Variants in PRUNE2 observed in about 807,000 individuals in gnomAD.
The protein encoded by PRUNE2 is protein prune homolog 2.
In PRUNE2, 164 loss-of-function variants were observed where a neutral mutation model predicts 252.0. That is an observed-to-expected ratio of 0.65 (90% CI 0.57 to 0.74). PRUNE2 has a LOEUF of 0.74. Ranked by LOEUF, PRUNE2 falls within the 30% of genes least tolerant of loss-of-function variation. The pLI, the probability that PRUNE2 is intolerant of heterozygous loss-of-function variation, is 0.00. For synonymous variants in PRUNE2, 1,292 were observed against 1,350.2 expected, an observed-to-expected ratio of 0.96 and a Z score of 0.94; for missense variants, 3,495 against 3,711.0, an observed-to-expected ratio of 0.94 and a Z score of 1.51.
intron 6 of PRUNE2, among the ~76,000 whole-genome samples, chr9:76,821,433 C>A (rs976989447): frequency 6.6e-6 from 1 of 152,158 alleles, no homozygotes; most frequent in African/African-American, 2.4e-5. Context: ...CATCACAGGA[C>A]AATCTACAGA....
chr9:76,624,587 G>T, intron 16 of PRUNE2, 97 bp from the exon 17 acceptor site: 1 of 800,068 alleles, frequency 1.2e-6, no homozygotes. Context: ...AATGAAAGTG[G>T]TGCATATGTG....
intron 9 of PRUNE2, among the ~76,000 whole-genome samples, chr9:76,699,052 C>T (rs951406764): frequency 2.8e-5 from 4 of 140,736 alleles, no homozygotes; most frequent in Non-Finnish European, 4.6e-5. Context: ...CCACCCCCTC[C>T]CTCCATCCCC....
chr9:76,769,491 C>T (rs1417808829), intron 6 of PRUNE2, among the ~76,000 whole-genome samples: 3 of 115,412 alleles, frequency 2.6e-5, no homozygotes, highest in African/African-American at 6.9e-5. Context: ...GGCACAATCT[C>T]GGCTCGTCGT....
intron 2 of PRUNE2, among the ~76,000 whole-genome samples, chr9:76,851,710 C>A (rs1247144127): frequency 3.9e-5 from 6 of 152,168 alleles, no homozygotes; most frequent in African/African-American, 1.2e-4. Context: ...AGCCTACAGA[C>A]TATCAGATCG....
intron 6 of PRUNE2, chr9:76,737,634 G>A (rs1335547068): frequency 1.3e-5 from 2 of 152,112 alleles, no homozygotes; most frequent in African/African-American, 4.8e-5. Flanking sequence ...ATCCATTCAG[G>A]CTCTTTGCAT....
At chr9:76,845,000 TAAAAAAAAAA>T (rs55754002) in intron 4 of PRUNE2, among the ~76,000 whole-genome samples, 8 of 60,752 alleles carry the variant, frequency 1.3e-4, no homozygotes, top group South Asian at 1.7e-3. Context: ...CCCCCTCTCT[TAAAAAAAAAA>T]AAAAAAAAAA....
chr9:76,710,235 A>G lies in PRUNE2; in HGVS notation c.2039T>C (p.Phe680Ser). Residue 680 changes from phenylalanine to serine, a missense_variant, in exon 8 of 19, where the codon TTC becomes TCC. Physicochemically the swap from Phe to Ser is radical, Grantham distance 155 (BLOSUM62 -2). Transcript: ENST00000376718. ...CTCTTTCCATGATTCAGGGCTCTGG[A>G]AAACAGATTCCTGTTCACTGGAACT... ...AWSSSEQESV[F>S]QSPESWKEHK... 1 of 1,613,978 alleles carries G rather than the reference A, an allele frequency of 6.2e-7. No homozygotes were observed. The highest frequency in any genetic ancestry group is 8.5e-7 in the Non-Finnish European group (1 of 1,179,892).
At position 76,706,999 on chromosome 9, in the gene PRUNE2, T is replaced by A. The variant is rs1371051233; in HGVS notation, c.5275A>T (p.Asn1759Tyr). The A allele has an allele frequency of 1.2e-6, 2 of 1,614,064 alleles. 1 individual carries two copies. The highest frequency in any genetic ancestry group is 3.3e-4 in the Middle Eastern group (2 of 6,062). ...CAGGGATCAGGGCTGCTTTGTTGATTGTCACAGAATGGGTTTGACTTATTC... is the reference window on the plus strand; with the variant it reads ...CAGGGATCAGGGCTGCTTTGTTGATAGTCACAGAATGGGTTTGACTTATTC... ...NENKSNPFCDNQQSSPDPWTF... is the reference protein window; with the variant it reads ...NENKSNPFCDYQQSSPDPWTF... The change falls in exon 8 of 19, where the codon AAT becomes TAT. Residue 1759 changes from asparagine (N) to tyrosine (Y), a missense_variant. By Grantham distance (143) the Asn-to-Tyr change is moderately radical. Coordinates refer to ENST00000376718, the MANE Select transcript of PRUNE2 (RefSeq NM_015225.3).
At chr9:76,796,327 C>T (rs925885473) in intron 6 of PRUNE2, among the ~76,000 whole-genome samples, 1 of 152,152 alleles carries the variant, frequency 6.6e-6, no homozygotes, top group East Asian at 1.9e-4. Context: ...AGCCTCGCTA[C>T]GATCATTACC....
At chr9:76,676,738 A>G (rs1245651724) in intron 9 of PRUNE2, among the ~76,000 whole-genome samples, 2 of 152,240 alleles carry the variant, frequency 1.3e-5, no homozygotes, top group African/African-American at 4.8e-5. Flanking sequence ...CCTAGTAAGT[A>G]GTAATTTCAG....
chr9:76,628,242 A>G (rs534897976), intron 16 of PRUNE2, among the ~76,000 whole-genome samples: 1 of 152,282 alleles, frequency 6.6e-6, no homozygotes, highest in Admixed American at 6.5e-5. Context: ...TTAAAATCCC[A>G]GCTCCAAGTA....
Position 76,854,103 on chromosome 9 carries a change from C to T in PRUNE2, c.141+1G>A, listed in dbSNP as rs1336855178. 1 of 1,523,142 alleles carries T rather than the reference C, an allele frequency of 6.6e-7. No individual in the cohort carries two copies. Among genetic ancestry groups the T allele is most frequent in the Non-Finnish European group, 9.0e-7 (1 of 1,107,164 alleles). The allele number at this position is 1,523,142 out of a possible 1,614,324, so 94.4% of individuals were successfully genotyped here. On this transcript the variant is annotated splice_donor_variant, in intron 2 of 18. Transcript: ENST00000376718. LOFTEE classifies it high-confidence loss of function. ...AGGAGTATTACCCTTTTTTCCCTCA[C>T]CTTGTCTAGAAAGTAAGCATATGTG...
intron 9 of PRUNE2, among the ~76,000 whole-genome samples, chr9:76,656,536 C>G (rs1381823816): frequency 6.6e-6 from 1 of 152,142 alleles, no homozygotes; most frequent in East Asian, 1.9e-4. Flanking sequence ...GGATGCAAGT[C>G]AAATCCCCTA....
At chr9:76,763,598 A>G (rs1365904244) in intron 6 of PRUNE2, among the ~76,000 whole-genome samples, 1 of 152,212 alleles carries the variant, frequency 6.6e-6, no homozygotes, top group Non-Finnish European at 1.5e-5. Context: ...CCCGTCCCCA[A>G]GAGAGGATCT....
intron 1 of PRUNE2, among the ~76,000 whole-genome samples, chr9:76,905,548 T>C (rs183816736): frequency 3.1e-4 from 47 of 152,348 alleles, no homozygotes; most frequent in Middle Eastern, 3.4e-3. Flanking sequence ...GTCTCTTTTT[T>C]TCCTTTTACA....
intron 11 of PRUNE2, among the ~76,000 whole-genome samples, chr9:76,648,534 A>C (rs1467803767): frequency 6.6e-6 from 1 of 152,214 alleles, no homozygotes; most frequent in Admixed American, 6.5e-5. Context: ...AGGAACCTTA[A>C]TTGCGTAAGT....
intron 1 of PRUNE2, among the ~76,000 whole-genome samples, chr9:76,875,524 C>T (rs1191524951): frequency 6.6e-6 from 1 of 152,124 alleles, no homozygotes; most frequent in Non-Finnish European, 1.5e-5. Context: ...TGCCACCATG[C>T]CCGGCCAATT....
intron 1 of PRUNE2, chr9:76,856,331 T>G (rs1441426159): frequency 6.6e-6 from 1 of 152,232 alleles, no homozygotes; most frequent in Non-Finnish European, 1.5e-5. Context: ...CAGCAAGACT[T>G]CAGACATTTG....
intron 2 of PRUNE2, among the ~76,000 whole-genome samples, chr9:76,853,440 G>T (rs1000176557): frequency 2.6e-5 from 4 of 152,176 alleles, no homozygotes; most frequent in African/African-American, 9.7e-5. Context: ...ATTATCATGA[G>T]CTCATGAATT....
Sources: allele counts gnomAD v4.1 joint callset (sites outside exome capture counted in the v4.1 genomes callset), GRCh38; gene constraint gnomAD v4.1.1; transcripts MANE v1.5; gene names NCBI Gene and HGNC (gene_info 2026-07-23, HGNC 2026-07-21).